Variants in PCDH9 observed in about 807,000 individuals in gnomAD.
PCDH9 encodes the protein protocadherin 9.
A neutral mutation model predicts 70.6 loss-of-function variants in PCDH9; 24 were observed. That is an observed-to-expected ratio of 0.34 (90% CI 0.25 to 0.48). PCDH9 has a LOEUF of 0.48. Ranked by LOEUF, PCDH9 falls within the 20% of genes least tolerant of loss-of-function variation. The pLI, the probability that PCDH9 is intolerant of heterozygous loss-of-function variation, is 0.99. For missense variants in PCDH9, 1,281 were observed against 1,503.6 expected (o/e 0.85, Z 2.45); for synonymous variants, 562 against 558.5 (o/e 1.01, Z -0.09).
rs148414580 is a variant in PCDH9, at chr13:66,664,076, A to G, written c.3139-32665T>C. Among the ~76,000 whole-genome samples the G allele has an allele frequency of 2.8e-3, 432 of 152,324 alleles. 1 individual carries two copies. The highest frequency in any genetic ancestry group is 9.8e-3 in the African/African-American group (407 of 41,576). On this transcript the variant is annotated intron_variant, in intron 3 of 4. Transcript: ENST00000377865. Reference sequence around the variant, plus strand: ...CAGACCACTGTGGGATAAGTTTCCTATCCCTTTTGCCACATACAAAGTGTG... The same window carrying G: ...CAGACCACTGTGGGATAAGTTTCCTGTCCCTTTTGCCACATACAAAGTGTG...
intron 3 of PCDH9, among the ~76,000 whole-genome samples, chr13:66,764,236 T>C (rs1216832952): frequency 4.0e-5 from 6 of 149,484 alleles, no homozygotes; most frequent in Non-Finnish European, 7.4e-5. Context: ...ACACATACAT[T>C]TCCATGTATG....
chr13:66,440,171 G>A (rs1645683019), intron 4 of PCDH9, among the ~76,000 whole-genome samples: 1 of 152,072 alleles, frequency 6.6e-6, no homozygotes, highest in South Asian at 2.1e-4. Flanking sequence ...TCAAACTGTT[G>A]GTGTAAGCAT....
intron 2 of PCDH9, among the ~76,000 whole-genome samples, chr13:67,017,813 A>G (rs1192160676): frequency 1.3e-5 from 2 of 152,176 alleles, no homozygotes; most frequent in Non-Finnish European, 2.9e-5. Flanking sequence ...GTAAATCAGG[A>G]CAAAAATTTT....
At chr13:66,808,321 A>G (rs2080443134) in intron 3 of PCDH9, among the ~76,000 whole-genome samples, 1 of 152,218 alleles carries the variant, frequency 6.6e-6, no homozygotes, top group Non-Finnish European at 1.5e-5. Context: ...TCAATAAACT[A>G]TAAAGCAACA....
At chr13:66,323,378 A>G (rs531123582) in intron 4 of PCDH9, 5 of 152,164 alleles carry the variant, frequency 3.3e-5, no homozygotes, top group Admixed American at 3.3e-4. Flanking sequence ...GAATTGAATT[A>G]TTAAGGAATA....
chr13:66,833,251 TTTC>T (rs1257088553), intron 3 of PCDH9, among the ~76,000 whole-genome samples: 4 of 152,226 alleles, frequency 2.6e-5, no homozygotes, highest in Non-Finnish European at 4.4e-5. Context: ...ATTTCCTTTC[TTTC>T]TTCTAACAAA....
intron 2 of PCDH9, among the ~76,000 whole-genome samples, chr13:67,193,143 T>C (rs1184481676): frequency 1.3e-5 from 2 of 152,078 alleles, no homozygotes; most frequent in Non-Finnish European, 2.9e-5. Context: ...CCAATAAATA[T>C]CCAGTGACAT....
At chr13:66,879,265 C>T (rs1031065141) in intron 3 of PCDH9, among the ~76,000 whole-genome samples, 5 of 152,108 alleles carry the variant, frequency 3.3e-5, no homozygotes, top group South Asian at 2.1e-4. Flanking sequence ...CAAATACTAG[C>T]GGAGGCATTC....
chr13:66,473,688 C>T (rs1958663431), intron 4 of PCDH9, among the ~76,000 whole-genome samples: 1 of 152,174 alleles, frequency 6.6e-6, no homozygotes. Flanking sequence ...TACAAAATAT[C>T]TTAAACCACT....
Position 67,227,605 on chromosome 13 carries a change from G to C in PCDH9, c.836C>G (p.Ala279Gly), listed in dbSNP as rs955496511. 3.1e-6 allele frequency: 5 copies of C among 1,613,928 alleles called. No individual in the cohort carries two copies. Among genetic ancestry groups the C allele is most frequent in the Non-Finnish European group, 4.2e-6 (5 of 1,179,834 alleles). Reference protein sequence around the residue: ...TSVIQLHATDADIGSNAEIRY... With the variant: ...TSVIQLHATDGDIGSNAEIRY... ...GATTTCAGCATTACTGCCTATATCT[G>C]CATCAGTGGCATGGAGCTGAATTAC... Residue 279 changes from alanine (A) to glycine (G), a missense_variant, in exon 2 of 5, where the codon GCA (alanine) becomes GGA (glycine). Ala to Gly is a moderately conservative substitution (Grantham distance 60). This residue lies in a region of PCDH9 where 798 missense variants were observed against 1,003.1 expected (regional missense o/e 0.80). Transcript: ENST00000377865. The surrounding 1 kb of genome is among the most constrained non-coding windows in gnomAD (Gnocchi z 4.6).
intron 3 of PCDH9, among the ~76,000 whole-genome samples, chr13:66,791,514 T>A (rs1015350927): frequency 6.6e-6 from 1 of 152,146 alleles, no homozygotes; most frequent in Non-Finnish European, 1.5e-5. Context: ...GTTTTTGCCA[T>A]TACTTTCAAA....
intron 2 of PCDH9, among the ~76,000 whole-genome samples, chr13:67,089,227 C>A (rs1276912317): frequency 1.3e-5 from 2 of 151,984 alleles, no homozygotes; most frequent in African/African-American, 4.8e-5. Flanking sequence ...TCAAATATCA[C>A]ATTTTCACTT....
At chr13:66,902,612 T>C (rs1392759724) in intron 3 of PCDH9, among the ~76,000 whole-genome samples, 1 of 151,644 alleles carries the variant, frequency 6.6e-6, no homozygotes, top group East Asian at 1.9e-4. Flanking sequence ...CCTCTCTTTC[T>C]ACAGTCTATA....
chr13:66,910,802 C>T (rs992797860), intron 2 of PCDH9, among the ~76,000 whole-genome samples: 20 of 152,202 alleles, frequency 1.3e-4, no homozygotes, highest in African/African-American at 3.9e-4. Context: ...CCTTTTATTG[C>T]GTAAGTGGTA....
At chr13:66,512,800 T>C (rs887579010) in intron 4 of PCDH9, among the ~76,000 whole-genome samples, 1 of 152,056 alleles carries the variant, frequency 6.6e-6, no homozygotes, top group Admixed American at 6.6e-5. Flanking sequence ...TTCTTTTCTC[T>C]TTTCTTTCTT....
intron 4 of PCDH9, among the ~76,000 whole-genome samples, chr13:66,382,613 C>A (rs565615389): frequency 2.6e-5 from 4 of 152,130 alleles, no homozygotes; most frequent in East Asian, 3.9e-4. Context: ...TTTTTAGGAA[C>A]AAATTAATTT....
chr13:66,541,891 G>T (rs1713479209), intron 4 of PCDH9, among the ~76,000 whole-genome samples: 1 of 152,102 alleles, frequency 6.6e-6, no homozygotes, highest in African/African-American at 2.4e-5. Flanking sequence ...AAGTTCCTTG[G>T]AGTTTTGTTT....
chr13:66,572,555 T>G (rs753332006), intron 4 of PCDH9, among the ~76,000 whole-genome samples: 5 of 152,178 alleles, frequency 3.3e-5, no homozygotes, highest in Non-Finnish European at 5.9e-5. Flanking sequence ...ATTCCTTTTA[T>G]GGCTGAATAA....
At chr13:67,223,367 C>A (rs76066964) in intron 2 of PCDH9, 1 of 151,912 alleles carries the variant, frequency 6.6e-6, no homozygotes, top group African/African-American at 2.4e-5. Flanking sequence ...AATATCACCA[C>A]GTATAGACAG....
Sources: allele counts gnomAD v4.1 joint callset (sites outside exome capture counted in the v4.1 genomes callset), GRCh38; gene constraint gnomAD v4.1.1; regional missense constraint gnomAD v4.1.1; non-coding constraint Gnocchi (gnomAD v3.1); transcripts MANE v1.5; gene names NCBI Gene and HGNC (gene_info 2026-07-23, HGNC 2026-07-21).